The following CUL2 variants were observed in gnomAD, a reference collection of about 807,000 sequenced individuals.
CUL2 encodes the protein cullin 2, also known as cullin-2.
A neutral mutation model predicts 110.2 loss-of-function variants in CUL2; 22 were observed. That is an observed-to-expected ratio of 0.20 (90% CI 0.14 to 0.28). CUL2 has a LOEUF of 0.28. Among genes scored for constraint, CUL2 ranks in the 10% least tolerant of loss-of-function variants. CUL2 has a pLI of 1.00. For synonymous variants in CUL2, 279 were observed against 293.2 expected, an observed-to-expected ratio of 0.95 and a Z score of 0.49; for missense variants, 631 against 905.5, an observed-to-expected ratio of 0.70 and a Z score of 3.89.
intron 20 of CUL2, among the ~76,000 whole-genome samples, chr10:35,011,287 A>C (rs1366276911): frequency 6.7e-6 from 1 of 150,050 alleles, no homozygotes; most frequent in African/African-American, 2.5e-5. Context: ...TCCTGGACTC[A>C]AGTGATCCTC....
intron 6 of CUL2, among the ~76,000 whole-genome samples, chr10:35,047,909 A>C (rs2085990420): frequency 6.6e-6 from 1 of 152,050 alleles, no homozygotes; most frequent in South Asian, 2.1e-4. Flanking sequence ...CTGTCTCAAA[A>C]AAAAAAAGGA....
At chr10:35,012,052 AC>A in intron 19 of CUL2, 88 bp from the exon 20 acceptor site, 3 of 696,650 alleles carry the variant, frequency 4.3e-6, no homozygotes, top group East Asian at 3.0e-5. Context: ...GAGTGCAAAT[AC>A]TTTTTTTTTT....
chr10:35,085,732 T>C (rs943854566), intron 1 of CUL2, among the ~76,000 whole-genome samples: 5 of 145,952 alleles, frequency 3.4e-5, no homozygotes, highest in African/African-American at 7.6e-5. Context: ...ATAGTGCATA[T>C]GAAACATTGC....
intron 20 of CUL2, 146 bp from the exon 21 acceptor site, chr10:35,010,588 G>A: frequency 1.7e-6 from 1 of 603,242 alleles, no homozygotes; most frequent in Non-Finnish European, 2.6e-6. Flanking sequence ...ACTACAATGT[G>A]GAAAATGGAT....
rs1427211253 is a variant in CUL2, at chr10:35,016,926, CA to C, written c.1685-533del. Among the ~76,000 whole-genome samples the C allele has an allele frequency of 3.3e-3, 199 of 60,970 alleles. 1 individual carries two copies. Among genetic ancestry groups the C allele is most frequent in the East Asian group, 0.029 (64 of 2,190 alleles). The allele number at this position is 60,970 out of a possible 152,430, so 40.0% of individuals were successfully genotyped here. On this transcript the variant is annotated intron_variant, in intron 17 of 20. Coordinates refer to ENST00000374749, the MANE Select transcript of CUL2 (RefSeq NM_003591.4). ...CGGGTGACAGAGCGAGACTCTGTCT[CA>C]AAAAAAAAAAAAAAACAAAAAAAAA...
chr10:35,095,872 G>A (rs960155284), intron 2 of CUL2, among the ~76,000 whole-genome samples: 24 of 152,042 alleles, frequency 1.6e-4, no homozygotes, highest in Admixed American at 7.9e-4. Flanking sequence ...GTTATGTCAT[G>A]TATTAAACAT....
intron 17 of CUL2, among the ~76,000 whole-genome samples, 172 bp downstream of exon 17, chr10:35,024,960 A>C (rs2085298678): frequency 1.3e-5 from 2 of 152,228 alleles, no homozygotes; most frequent in South Asian, 4.1e-4. Flanking sequence ...TAATTATAAA[A>C]TACTATGAAA....
chr10:35,102,340 G>A (rs2087391833), intron 1 of CUL2, among the ~76,000 whole-genome samples: 2 of 152,160 alleles, frequency 1.3e-5, no homozygotes, highest in Admixed American at 1.3e-4. Flanking sequence ...GGGAAGCCAA[G>A]GCAGGTGGAT....
intron 2 of CUL2, among the ~76,000 whole-genome samples, chr10:35,068,376 C>G (rs942004984): frequency 6.6e-6 from 1 of 151,980 alleles, no homozygotes; most frequent in African/African-American, 2.4e-5. Context: ...GAGCTGAGAT[C>G]ACTGCACTAT....
chr10:35,113,181 CAA>C (rs71660665), intron 1 of CUL2, among the ~76,000 whole-genome samples: 6 of 36,634 alleles, frequency 1.6e-4, no homozygotes, highest in Non-Finnish European at 9.3e-5. Context: ...GACTCCATCT[CAA>C]AAAAAAAAAA....
intron 10 of CUL2, among the ~76,000 whole-genome samples, chr10:35,033,882 A>T (rs2085544303): frequency 6.6e-6 from 1 of 152,230 alleles, no homozygotes; most frequent in Admixed American, 6.5e-5. Context: ...GGAATAACTT[A>T]TCTTAAGGAT....
chr10:35,045,650 G>A (rs926696871), intron 6 of CUL2, among the ~76,000 whole-genome samples: 1 of 151,852 alleles, frequency 6.6e-6, no homozygotes, highest in Non-Finnish European at 1.5e-5. Context: ...AGGAGGAGTC[G>A]AGGCTACAGT....
At position 35,071,210 on chromosome 10, in the gene CUL2, A is replaced by G. The variant is rs2086669238; in HGVS notation, c.108T>C (p.Asn36=). The G allele has an allele frequency of 6.2e-7, 1 of 1,613,796 alleles. No homozygotes were observed. ...CATTAAAAGGATACGAGAAACGGTC[A>G]TTCCATGTTGCTCTTTCGACGTATT... ...MLEYVERATW[N]DRFSDIYALC... is the part of the protein sequence containing the mutation. Residue 36 remains asparagine, a synonymous_variant, in exon 2 of 21, where the codon AAT becomes AAC. Transcript: ENST00000374749.
At chr10:35,030,021 T>C (rs1035174961) in intron 14 of CUL2, among the ~76,000 whole-genome samples, 1 of 152,230 alleles carries the variant, frequency 6.6e-6, no homozygotes, top group Non-Finnish European at 1.5e-5. Context: ...CTGTTGCCCA[T>C]GCTGCAACGC....
At chr10:35,112,038 G>C (rs34306263) in intron 1 of CUL2, among the ~76,000 whole-genome samples, 19,183 of 152,174 alleles carry the variant, frequency 0.13, 1,456 homozygotes, top group Middle Eastern at 0.18. Context: ...ATTACTCCTT[G>C]TATAAACTCA....
intron 1 of CUL2, among the ~76,000 whole-genome samples, chr10:35,116,327 G>A (rs371064727): frequency 4.0e-5 from 6 of 151,644 alleles, no homozygotes; most frequent in African/African-American, 1.5e-4. Context: ...CCTGGGCGAC[G>A]GAGCCAGACT....
At chr10:35,010,585 T>C (rs2084874961) in intron 20 of CUL2, 143 bp from the exon 21 acceptor site, 1 of 631,356 alleles carries the variant, frequency 1.6e-6, no homozygotes, top group Non-Finnish European at 2.4e-6. Context: ...GGAACTACAA[T>C]GTGGAAAATG....
intron 9 of CUL2, among the ~76,000 whole-genome samples, chr10:35,038,525 CAAAAAAAA>C (rs61022194): frequency 3.1e-5 from 2 of 65,508 alleles, no homozygotes; most frequent in African/African-American, 1.3e-4. Context: ...GACTCTGTCT[CAAAAAAAA>C]AAAAAAAAAA....
chr10:35,081,906 A>C (rs1295663827), intron 1 of CUL2, among the ~76,000 whole-genome samples: 1 of 152,182 alleles, frequency 6.6e-6, no homozygotes, highest in African/African-American at 2.4e-5. Flanking sequence ...ACTGCTATAG[A>C]AGACACAGGC....
Sources: gnomAD v4.1 joint callset for allele counts (sites outside exome capture counted in the v4.1 genomes callset) on GRCh38, gnomAD v4.1.1 for gene constraint, MANE v1.5 for transcripts, NCBI Gene and HGNC (gene_info 2026-07-23, HGNC 2026-07-21) for gene names.